IDS: variants seen among roughly 807,000 people sequenced by gnomAD.
IDS encodes alpha-L-iduronate sulfate sulfatase.
A neutral mutation model predicts 33.5 loss-of-function variants in IDS; 1 was observed. That is an observed-to-expected ratio of 0.03 (90% confidence interval 0.01 to 0.14). The LOEUF (loss-of-function observed/expected upper bound fraction) is 0.14, where lower values mean the gene tolerates loss of function less well. Ranked by LOEUF, IDS falls within the 10% of genes least tolerant of loss-of-function variation. The pLI, the probability that IDS is intolerant of heterozygous loss-of-function variation, is 1.00. For synonymous variants in IDS, 191 were observed against 184.4 expected, an observed-to-expected ratio of 1.04 and a Z score of -0.29; for missense variants, 328 against 448.0, an observed-to-expected ratio of 0.73 and a Z score of 2.42.
chrX:149,477,384 T>G lies in IDS; in HGVS notation c.*5362A>C, dbSNP rs1268649761. ...TTCCTCATTGGCAGTGGGAGCCCTC[T>G]TGCCTGGGCCGTCACATTACTCAGA... On this transcript the variant is annotated 3_prime_UTR_variant, in exon 9 of 9. Coordinates refer to ENST00000340855, the MANE Select transcript of IDS (RefSeq NM_000202.8). 2.7e-5 allele frequency: 3 copies of G among 112,652 alleles called. No individual in the cohort carries two copies. Among genetic ancestry groups the G allele is most frequent in the Admixed American group, 9.4e-5 (1 of 10,692 alleles). The allele number at this position is 112,652 out of a possible 1,213,427, so 9.3% of individuals were successfully genotyped here.
Position 149,490,371 on chromosome X carries a change from C to T in IDS, c.949G>A (p.Ala317Thr). 1 of 1,209,851 alleles carries T rather than the reference C, an allele frequency of 8.3e-7. No individual in the cohort carries two copies. Among genetic ancestry groups the T allele is most frequent in the South Asian group, 1.8e-5 (1 of 56,948 alleles). The change falls in exon 7 of 9, where the codon GCT becomes ACT. Residue 317 changes from alanine to threonine, a missense_variant. This residue lies in a region of IDS where 265 missense variants were observed against 339.2 expected (regional missense o/e 0.78). Transcript: ENST00000340855. ...TTGGCCAGCTGAAGATCGTCCAAAG[C>T]ACTCAAGAGGCGGCCGACCTGTGTA... ...LDTQVGRLLS[A>T]LDDLQLANST... is the part of the protein sequence containing the mutation.
At chrX:149,498,044 C>T (rs2089449519) in intron 5 of IDS, 63 bp downstream of exon 5, 7 of 1,036,300 alleles carry the variant, frequency 6.8e-6, no homozygotes, top group Non-Finnish European at 9.5e-6. Context: ...GTGCAAATCC[C>T]TCCCTCAACA....
rs1046532656 is a variant in IDS, at chrX:149,505,192, G to A, written c.-55C>T. 82 of 890,693 alleles carry A rather than the reference G, an allele frequency of 9.2e-5. No homozygotes were observed. Among genetic ancestry groups the A allele is most frequent in the Admixed American group, 5.4e-4 (20 of 37,122 alleles). The allele number at this position is 890,693 out of a possible 1,213,427, so 73.4% of individuals were successfully genotyped here. ...GCGGGGACAGGCTGCAGCAGGTGGC[G>A]CAGTTAGCAGCCGCCGCCGCAGCCA... On this transcript the variant is annotated 5_prime_UTR_variant, in exon 1 of 9. Transcript: ENST00000340855.
intron 1 of IDS, 141 bp from the exon 2 acceptor site, chrX:149,504,434 C>T: frequency 1.5e-6 from 1 of 654,950 alleles, no homozygotes; most frequent in South Asian, 2.7e-5. Flanking sequence ...TGTGCCTCAG[C>T]AAGGGTGGGA....
At chrX:149,500,884 C>A in intron 4 of IDS, 65 bp downstream of exon 4, 1 of 682,002 alleles carries the variant, frequency 1.5e-6, no homozygotes, top group Admixed American at 2.2e-5. Context: ...TGCAGTATAC[C>A]CAGTAGTTTA....
intron 3 of IDS, 78 bp downstream of exon 3, chrX:149,503,234 G>C: frequency 8.5e-7 from 1 of 1,172,085 alleles, no homozygotes; most frequent in Non-Finnish European, 1.1e-6. Flanking sequence ...TGCAAAGACA[G>C]CCCCATCCCC....
At chrX:149,486,826 T>G in intron 8 of IDS, 99 bp downstream of exon 8, 4 of 911,777 alleles carry the variant, frequency 4.4e-6, no homozygotes, top group Non-Finnish European at 1.6e-6. Flanking sequence ...GAAGGGGGGG[T>G]CTGTGTAACC....
chrX:149,491,338 A>G (rs2089389581), intron 6 of IDS, among the ~76,000 whole-genome samples: 1 of 112,537 alleles, frequency 8.9e-6, no homozygotes, highest in Non-Finnish European at 1.9e-5. Flanking sequence ...TCATGCCCTG[A>G]AGTAAATGAG....
Position 149,487,035 on chromosome X carries a change from A to T in IDS, c.1070T>A (p.Val357Asp), listed in dbSNP as rs1045890560. ...TCCAGGAACATAGAATATCAGGGGAACATGGGTAGCAACATCAAAATTGCT... is the reference window on the plus strand; with the variant it reads ...TCCAGGAACATAGAATATCAGGGGATCATGGGTAGCAACATCAAAATTGCT... Reference protein sequence around the residue: ...KYSNFDVATHVPLIFYVPGRT... With the variant: ...KYSNFDVATHDPLIFYVPGRT... Residue 357 changes from valine (V) to aspartate (D), a missense_variant, in exon 8 of 9, where the codon GTT (valine) becomes GAT (aspartate). Physicochemically the swap from Val to Asp is radical, Grantham distance 152. Around this residue, in one of 4 missense-constraint regions of IDS, gnomAD observed 265 missense variants for 339.2 expected, o/e 0.78. Coordinates refer to ENST00000340855, the MANE Select transcript of IDS (RefSeq NM_000202.8). 1 of 1,209,862 alleles carries T rather than the reference A, an allele frequency of 8.3e-7. No homozygotes were observed. Among genetic ancestry groups the T allele is most frequent in the Non-Finnish European group, 1.1e-6 (1 of 894,876 alleles).
chrX:149,489,037 G>A lies in IDS; in HGVS notation c.1006+1277C>T, dbSNP rs190405852. ...CAGCATGTTTTACTGGCTCCCAGGC[G>A]GTTCTGATGGAGGATGTCCCAGGAG... On this transcript the variant is annotated intron_variant, in intron 7 of 8. Coordinates refer to ENST00000340855, the MANE Select transcript of IDS (RefSeq NM_000202.8). Among the ~76,000 whole-genome samples the A allele has an allele frequency of 7.4e-3, 823 of 111,585 alleles. 8 individuals are homozygous for A. Among genetic ancestry groups the A allele is most frequent in the African/African-American group, 0.024 (745 of 30,628 alleles).
intron 7 of IDS, 115 bp downstream of exon 7, chrX:149,490,199 C>A (rs186467553): frequency 1.5e-6 from 1 of 677,398 alleles, no homozygotes; most frequent in Non-Finnish European, 2.2e-6. Context: ...TGTTTGTGAA[C>A]CACTGGTTCA....
intron 4 of IDS, among the ~76,000 whole-genome samples, chrX:149,498,964 C>A (rs1224588128): frequency 2.7e-5 from 3 of 112,303 alleles, no homozygotes; most frequent in Non-Finnish European, 5.6e-5. Context: ...ATGTCGAGGG[C>A]AGCATTATTC....
chrX:149,490,484 A>T (rs2089381479), intron 6 of IDS, 44 bp from the exon 7 acceptor site: 6 of 1,184,064 alleles, frequency 5.1e-6, no homozygotes, highest in Non-Finnish European at 6.9e-6. Flanking sequence ...CTGCAATTTA[A>T]ATTGCCAAGG....
rs781795937 is a variant in IDS at position 149,505,243 on chromosome X, T to C, written c.-106A>G. The C allele has an allele frequency of 1.2e-4, 59 of 506,144 alleles. No homozygotes were observed. Among genetic ancestry groups the C allele is most frequent in the East Asian group, 1.1e-3 (26 of 24,144 alleles). The allele number at this position is 506,144 out of a possible 1,213,427, so 41.7% of individuals were successfully genotyped here. On this transcript the variant is annotated 5_prime_UTR_variant, in exon 1 of 9. It removes an upstream start codon present in the reference 5' UTR. Coordinates refer to ENST00000340855, the MANE Select transcript of IDS (RefSeq NM_000202.8). ...CAGAGACCTCCTCGTCGGGAACCCA[T>C]GAAGACTGCGCAACACAGCCGCCGC...
At chrX:149,502,004 G>A (rs1004866785) in intron 3 of IDS, 1 of 257,718 alleles carries the variant, frequency 3.9e-6, no homozygotes, top group Non-Finnish European at 7.6e-6. Context: ...AAATGATGAT[G>A]ATGATAAAAA....
chrX:149,504,911 A>G (rs1292050396), intron 1 of IDS, 124 bp downstream of exon 1: 3 of 490,915 alleles, frequency 6.1e-6, no homozygotes, highest in Non-Finnish European at 1.0e-5. Context: ...GGATGAAAGA[A>G]GGAATGGTAG....
At chrX:149,497,770 C>T (rs2089447265) in intron 5 of IDS, among the ~76,000 whole-genome samples, 1 of 111,898 alleles carries the variant, frequency 8.9e-6, no homozygotes, top group Admixed American at 9.4e-5. Context: ...TTGGAAGGGC[C>T]ATCCCTTATT....
Position 149,482,804 on chromosome X carries a change from T to A in IDS, c.1595A>T (p.Asp532Val), listed in dbSNP as rs781844928. Residue 532 changes from aspartate to valine, a missense_variant, in exon 9 of 9, where the codon GAT becomes GTT. Coordinates refer to ENST00000340855, the MANE Select transcript of IDS (RefSeq NM_000202.8). ...TTGGGAATCATTATACATATTGTGATCCTGCAATGGGTCAGAATCCACAAA... is the reference window on the plus strand; with the variant it reads ...TTGGGAATCATTATACATATTGTGAACCTGCAATGGGTCAGAATCCACAAA... ...LYFVDSDPLQDHNMYNDSQGG... is the reference protein window; with the variant it reads ...LYFVDSDPLQVHNMYNDSQGG... The A allele has an allele frequency of 2.5e-6, 3 of 1,212,011 alleles. No individual in the cohort carries two copies. The Admixed American group carries it at 6.5e-5, about 26-fold the overall frequency.
chrX:149,479,634 A>C lies in IDS; in HGVS notation c.*3112T>G, dbSNP rs2089284940. The stretch of plus-strand genomic sequence containing the variant: ...TTGAAAGAAGGTTAAGTAAATTATA[A>C]GACTACACAATAAAATATATTACCA... On this transcript the variant is annotated 3_prime_UTR_variant, in exon 9 of 9. Coordinates refer to ENST00000340855, the MANE Select transcript of IDS (RefSeq NM_000202.8). The C allele has an allele frequency of 8.9e-6, 1 of 112,289 alleles. No individual in the cohort carries two copies. Among genetic ancestry groups the C allele is most frequent in the South Asian group, 3.6e-4 (1 of 2,765 alleles). 9.3% of individuals were successfully genotyped at this position (112,289 alleles called of 1,213,427 possible). A position where few individuals can be genotyped will look rare whatever the true frequency, so the allele number is the denominator to read the frequency against.
Sources: gnomAD v4.1 joint callset for allele counts (sites outside exome capture counted in the v4.1 genomes callset) on GRCh38, gnomAD v4.1.1 for gene constraint, gnomAD v4.1.1 regional missense constraint, MANE v1.5 for transcripts, NCBI Gene and HGNC (gene_info 2026-07-23, HGNC 2026-07-21) for gene names.